The following SLC39A11 variants were observed in gnomAD, a reference collection of about 807,000 sequenced individuals.
SLC39A11 encodes zinc transporter ZIP11.
SLC39A11 carries 33 observed loss-of-function variants against 36.1 expected under a neutral mutation model. The ratio of observed to expected loss-of-function variants is 0.91; its 90% CI spans 0.69 to 1.22. The LOEUF (loss-of-function observed/expected upper bound fraction) is 1.22. Ranked by LOEUF, SLC39A11 falls within the 50% of genes most tolerant of loss-of-function variation. The pLI is 0.00. For missense variants in SLC39A11, 432 were observed against 430.3 expected, an observed-to-expected ratio of 1.00 and a Z score of -0.03; for synonymous variants, 166 against 170.3, an observed-to-expected ratio of 0.97 and a Z score of 0.20.
chr17:72,915,507 G>A (rs1292794302), intron 5 of SLC39A11, among the ~76,000 whole-genome samples: 1 of 152,164 alleles, frequency 6.6e-6, no homozygotes, highest in South Asian at 2.1e-4. Context: ...ACATGGCAGT[G>A]TGCCCCCTTC....
chr17:72,717,409 T>C (rs748273973), intron 7 of SLC39A11, among the ~76,000 whole-genome samples: 7 of 152,254 alleles, frequency 4.6e-5, no homozygotes, highest in Admixed American at 1.3e-4. Flanking sequence ...CGCAGGGCTA[T>C]GCTCCCCCTG....
At chr17:73,080,956 A>C (rs2060488965) in intron 3 of SLC39A11, among the ~76,000 whole-genome samples, 1 of 28,222 alleles carries the variant, frequency 3.5e-5, no homozygotes, top group South Asian at 8.8e-4. Context: ...AAAAACAATA[A>C]AATAAATAAA....
intron 3 of SLC39A11, among the ~76,000 whole-genome samples, chr17:73,071,342 A>G: frequency 6.6e-6 from 1 of 152,230 alleles, no homozygotes; most frequent in Non-Finnish European, 1.5e-5. Context: ...AGAATGGAGC[A>G]AAAGGGCCCA....
intron 4 of SLC39A11, among the ~76,000 whole-genome samples, chr17:72,957,793 T>C (rs2086340271): frequency 6.7e-6 from 1 of 149,938 alleles, no homozygotes; most frequent in Admixed American, 6.7e-5. Context: ...CACTCCAGCC[T>C]GGGCGACAAA....
At chr17:72,672,644 C>T (rs4793300) in intron 7 of SLC39A11, among the ~76,000 whole-genome samples, 1 of 152,052 alleles carries the variant, frequency 6.6e-6, no homozygotes. Flanking sequence ...TTGTCATCCA[C>T]GCTGGAGTAC....
intron 4 of SLC39A11, among the ~76,000 whole-genome samples, chr17:72,998,704 T>C (rs994699657): frequency 5.3e-5 from 8 of 152,090 alleles, no homozygotes; most frequent in African/African-American, 1.9e-4. Flanking sequence ...CTCTATGTGG[T>C]TTTGACACAT....
intron 3 of SLC39A11, among the ~76,000 whole-genome samples, chr17:73,066,672 T>C (rs1299098736): frequency 6.6e-6 from 1 of 152,162 alleles, no homozygotes; most frequent in Non-Finnish European, 1.5e-5. Context: ...TCAAGTTTCA[T>C]GGGCCAGGAG....
chr17:72,779,242 G>A (rs564014080), intron 6 of SLC39A11, among the ~76,000 whole-genome samples: 31 of 152,146 alleles, frequency 2.0e-4, no homozygotes, highest in Middle Eastern at 3.4e-3. Context: ...TCAGGAGTTC[G>A]AGACCAGCCT....
At chr17:72,975,447 T>C (rs1267577109) in intron 4 of SLC39A11, among the ~76,000 whole-genome samples, 1 of 152,066 alleles carries the variant, frequency 6.6e-6, no homozygotes, top group Non-Finnish European at 1.5e-5. Context: ...TCTCAAAAAA[T>C]AAAATAAATT....
chr17:72,871,781 A>T (rs73358748), intron 5 of SLC39A11, among the ~76,000 whole-genome samples: 2,251 of 152,194 alleles, frequency 0.015, 57 homozygotes, highest in African/African-American at 0.05. Context: ...GAGTCCTATA[A>T]ACCATACTAG....
chr17:72,935,346 G>T (rs2084677541), intron 5 of SLC39A11, among the ~76,000 whole-genome samples: 1 of 152,104 alleles, frequency 6.6e-6, no homozygotes, highest in African/African-American at 2.4e-5. Context: ...CAGCTCAGAG[G>T]TCACCAGAGG....
At chr17:72,876,956 A>G (rs944102912) in intron 5 of SLC39A11, among the ~76,000 whole-genome samples, 2 of 152,216 alleles carry the variant, frequency 1.3e-5, no homozygotes, top group African/African-American at 4.8e-5. Context: ...TGTGCCCACA[A>G]CCACAAAATA....
intron 5 of SLC39A11, among the ~76,000 whole-genome samples, chr17:72,877,816 TA>T (rs1567869557): frequency 2.5e-4 from 37 of 150,470 alleles, no homozygotes; most frequent in African/African-American, 8.7e-4. Flanking sequence ...TATTTTTATT[TA>T]TTATTATTAT....
chr17:73,067,742 CAT>C, intron 3 of SLC39A11: 1 of 794,158 alleles, frequency 1.3e-6, no homozygotes, highest in Non-Finnish European at 2.1e-6. Flanking sequence ...TATGCATAAA[CAT>C]AGAGTAGACA....
chr17:73,081,780 A>G (rs560753696), intron 3 of SLC39A11, among the ~76,000 whole-genome samples: 9 of 85,308 alleles, frequency 1.1e-4, no homozygotes, highest in South Asian at 9.3e-4. Context: ...TATATATATC[A>G]TGGACTACTA....
At chr17:72,781,863 C>T (rs1200341314) in intron 6 of SLC39A11, among the ~76,000 whole-genome samples, 1 of 150,456 alleles carries the variant, frequency 6.6e-6, no homozygotes, top group Non-Finnish European at 1.5e-5. Context: ...TGAGAAAATA[C>T]TTCACTTTCC....
intron 6 of SLC39A11, among the ~76,000 whole-genome samples, chr17:72,817,575 C>T (rs1203827180): frequency 6.6e-6 from 1 of 152,184 alleles, no homozygotes; most frequent in Admixed American, 6.5e-5. Flanking sequence ...AGCAGGTACA[C>T]CCATGGGAAG....
intron 6 of SLC39A11, among the ~76,000 whole-genome samples, chr17:72,803,110 G>A (rs997157147): frequency 3.9e-5 from 6 of 152,236 alleles, no homozygotes; most frequent in African/African-American, 9.6e-5. Flanking sequence ...CCAAATAGAA[G>A]ATTAAATCTC....
chr17:72,779,363 T>G (rs996068952), intron 6 of SLC39A11, among the ~76,000 whole-genome samples: 2 of 152,078 alleles, frequency 1.3e-5, no homozygotes, highest in Non-Finnish European at 2.9e-5. Flanking sequence ...AGGCGGAGGT[T>G]GCAGTGAGCC....
Sources: gnomAD v4.1 joint callset for allele counts (sites outside exome capture counted in the v4.1 genomes callset) on GRCh38, gnomAD v4.1.1 for gene constraint, MANE v1.5 for transcripts, NCBI Gene and HGNC (gene_info 2026-07-23, HGNC 2026-07-21) for gene names.